PRKG1: variants seen among roughly 807,000 people sequenced by gnomAD.
The protein encoded by PRKG1 is protein kinase cGMP-dependent 1.
A neutral mutation model predicts 88.1 loss-of-function variants in PRKG1; 35 were observed. The ratio of observed to expected loss-of-function variants is 0.40; its 90% CI spans 0.30 to 0.53. The LOEUF is 0.53. Among genes scored for constraint, PRKG1 ranks in the 20% least tolerant of loss-of-function variants. The probability of loss-of-function intolerance (pLI) is 0.59; values close to 1 mark genes in which losing one functional copy is unlikely to be tolerated. For missense variants in PRKG1, 540 were observed against 839.8 expected (o/e 0.64, Z 4.41); for synonymous variants, 303 against 292.5 (o/e 1.04, Z -0.37).
intron 2 of PRKG1, among the ~76,000 whole-genome samples, chr10:51,417,646 G>A (rs113432532): frequency 6.6e-6 from 1 of 152,142 alleles, no homozygotes; most frequent in African/African-American, 2.4e-5. Context: ...ATTATTAAAC[G>A]TGAGTTAATG....
intron 5 of PRKG1, among the ~76,000 whole-genome samples, chr10:51,970,760 C>G (rs928566816): frequency 6.4e-5 from 9 of 141,528 alleles, no homozygotes; most frequent in African/African-American, 2.1e-4. Flanking sequence ...TCAGATATAT[C>G]AGATTATATA....
rs1842776139 is a variant in PRKG1 at position 50,991,152 on chromosome 10, G to A, written c.-227G>A. ...CTGCCTCTCCTCTCCATCGCTTTTAGACTTCTCATCCTCCCCTCGGTGCTT... is the reference window on the plus strand; with the variant it reads ...CTGCCTCTCCTCTCCATCGCTTTTAAACTTCTCATCCTCCCCTCGGTGCTT... On this transcript the variant is annotated 5_prime_UTR_variant, in exon 1 of 18. Coordinates refer to the PRKG1 transcript ENST00000401604. This position sits in a 1 kb window ranked among gnomAD's most constrained non-coding sequence, Gnocchi z 4.5. 1 of 548,390 alleles carries A rather than the reference G, an allele frequency of 1.8e-6. No homozygotes were observed. Among genetic ancestry groups the A allele is most frequent in the Admixed American group, 3.7e-5 (1 of 26,996 alleles). 34.0% of individuals were successfully genotyped at this position (548,390 alleles called of 1,614,324 possible). A position where few individuals can be genotyped will look rare whatever the true frequency, so the allele number is the denominator to read the frequency against.
chr10:51,203,093 G>A (rs1837954522), intron 2 of PRKG1, among the ~76,000 whole-genome samples: 1 of 152,076 alleles, frequency 6.6e-6, no homozygotes, highest in Admixed American at 6.5e-5. Context: ...TGAATACAGA[G>A]GGAGAGAGAG....
At chr10:51,057,032 C>G (rs1843633944) in intron 1 of PRKG1, among the ~76,000 whole-genome samples, 2 of 152,196 alleles carry the variant, frequency 1.3e-5, no homozygotes, top group Admixed American at 6.5e-5. Context: ...ACATGAAAAT[C>G]ATACCTGAGT....
intron 5 of PRKG1, among the ~76,000 whole-genome samples, chr10:51,962,885 G>T (rs1213333129): frequency 6.6e-6 from 1 of 152,102 alleles, no homozygotes; most frequent in Admixed American, 6.5e-5. Context: ...GAATTTAATC[G>T]GTGAGATGAG....
At chr10:51,022,046 C>T (rs1187122573) in intron 1 of PRKG1, among the ~76,000 whole-genome samples, 2 of 152,200 alleles carry the variant, frequency 1.3e-5, no homozygotes, top group Non-Finnish European at 2.9e-5. Flanking sequence ...CAACACATCT[C>T]TTTATTTTTA....
intron 9 of PRKG1, among the ~76,000 whole-genome samples, chr10:52,215,213 G>A (rs1317904124): frequency 6.7e-6 from 1 of 150,124 alleles, no homozygotes; most frequent in Non-Finnish European, 1.5e-5. Flanking sequence ...TGGCCAATGT[G>A]GTGAAACCCC....
intron 2 of PRKG1, among the ~76,000 whole-genome samples, chr10:51,387,600 C>T (rs1837287168): frequency 6.6e-6 from 1 of 152,052 alleles, no homozygotes; most frequent in African/African-American, 2.4e-5. Flanking sequence ...AGGCTTGGTA[C>T]CTGAATTGAT....
intron 3 of PRKG1, among the ~76,000 whole-genome samples, chr10:51,797,648 A>C (rs1589295281): frequency 6.7e-6 from 1 of 149,682 alleles, no homozygotes; most frequent in African/African-American, 2.4e-5. Flanking sequence ...TTTTTTATAT[A>C]TATCTAAAAT....
At chr10:52,046,853 G>A (rs947232005) in intron 5 of PRKG1, 2 of 152,140 alleles carry the variant, frequency 1.3e-5, no homozygotes, top group Admixed American at 1.3e-4. Flanking sequence ...TAACCAGATT[G>A]TGTATCTCCT....
At chr10:51,219,969 A>G (rs1378344456) in intron 2 of PRKG1, among the ~76,000 whole-genome samples, 1 of 152,066 alleles carries the variant, frequency 6.6e-6, no homozygotes, top group Non-Finnish European at 1.5e-5. Context: ...GGACCAGCTG[A>G]CCTTAAAATA....
At chr10:51,497,562 A>G (rs1489685047) in intron 3 of PRKG1, among the ~76,000 whole-genome samples, 1 of 152,240 alleles carries the variant, frequency 6.6e-6, no homozygotes, top group African/African-American at 2.4e-5. Flanking sequence ...AATTTTCAAA[A>G]AAGAAAGGTA....
chr10:51,635,677 T>G (rs1367008729), intron 3 of PRKG1, among the ~76,000 whole-genome samples: 1 of 152,158 alleles, frequency 6.6e-6, no homozygotes, highest in Non-Finnish European at 1.5e-5. Flanking sequence ...GTGAATTGCT[T>G]TAACACATGA....
intron 1 of PRKG1, among the ~76,000 whole-genome samples, chr10:51,076,027 G>A (rs1255342783): frequency 1.3e-5 from 2 of 152,150 alleles, no homozygotes; most frequent in Non-Finnish European, 2.9e-5. Flanking sequence ...AAGGTCCATC[G>A]AAACCCTTCA....
chr10:51,097,440 C>G (rs1844558633), intron 1 of PRKG1, among the ~76,000 whole-genome samples: 1 of 152,090 alleles, frequency 6.6e-6, no homozygotes, highest in Non-Finnish European at 1.5e-5. Flanking sequence ...CAAGGTTGGT[C>G]TGAAACTCCT....
chr10:52,056,049 T>A (rs1846103661), intron 6 of PRKG1, among the ~76,000 whole-genome samples: 1 of 152,222 alleles, frequency 6.6e-6, no homozygotes, highest in Non-Finnish European at 1.5e-5. Flanking sequence ...TTGACTGATC[T>A]CTGAATGCCT....
chr10:51,117,398 T>G (rs1004100708), intron 1 of PRKG1, among the ~76,000 whole-genome samples: 26 of 152,234 alleles, frequency 1.7e-4, no homozygotes, highest in Non-Finnish European at 5.9e-5. Context: ...CAAGCTGTAT[T>G]TTTTCACAGG....
intron 2 of PRKG1, among the ~76,000 whole-genome samples, chr10:51,273,800 A>G (rs982075747): frequency 1.1e-4 from 17 of 152,150 alleles, no homozygotes; most frequent in Admixed American, 1.0e-3. Flanking sequence ...TTCATACACC[A>G]CAGTTCCCCA....
chr10:52,281,191 C>T (rs1841995422), intron 13 of PRKG1, among the ~76,000 whole-genome samples: 1 of 152,154 alleles, frequency 6.6e-6, no homozygotes, highest in Non-Finnish European at 1.5e-5. Context: ...CACTTGCTGG[C>T]ATGTGTTTAC....
Sources: gnomAD v4.1 joint callset for allele counts (sites outside exome capture counted in the v4.1 genomes callset) on GRCh38, gnomAD v4.1.1 for gene constraint, Gnocchi (gnomAD v3.1) non-coding constraint, MANE v1.5 for transcripts, NCBI Gene and HGNC (gene_info 2026-07-23, HGNC 2026-07-21) for gene names.